Variants in XKR6 observed in about 807,000 individuals in gnomAD.
The protein encoded by XKR6 is XK related 6.
Under a neutral mutation model 56.7 loss-of-function variants are expected in XKR6, and 22 were observed. That is an observed-to-expected ratio of 0.39 (90% CI 0.28 to 0.55). XKR6 has a LOEUF of 0.55. XKR6 is among the 20% of genes least tolerant of loss of function. The pLI is 0.66. For synonymous variants in XKR6, 524 were observed against 387.8 expected (o/e 1.35, Z -4.13); for missense variants, 852 against 889.0 (o/e 0.96, Z 0.53).
At chr8:11,147,051 C>G (rs2116958445) in intron 1 of XKR6, among the ~76,000 whole-genome samples, 1 of 151,680 alleles carries the variant, frequency 6.6e-6, no homozygotes, top group African/African-American at 2.4e-5. Flanking sequence ...TTAAAATTTG[C>G]TAAGAAGGTA....
rs769476186 is a variant in XKR6 at position 10,898,247 on chromosome 8, G to A, written c.1631C>T (p.Thr544Ile). The change falls in exon 3 of 3, where the codon ACC becomes ATC. Residue 544 changes from threonine (T) to isoleucine (I), a missense_variant. Around this residue, in one of 4 missense-constraint regions of XKR6, gnomAD observed 197 missense variants for 190.9 expected, o/e 1.03. Coordinates refer to ENST00000416569, the MANE Select transcript of XKR6 (RefSeq NM_173683.4). The surrounding 1 kb of genome is among the most constrained non-coding windows in gnomAD (Gnocchi z 6.6). ...CTCCTGTTGTTCCGTTACGGCTCTG[G>A]TGGGCGTAACCTGGGTCCCCCGGTA... ...PGYRGTQVTPTRAVTEQQEDL... is the reference protein window; with the variant it reads ...PGYRGTQVTPIRAVTEQQEDL... 1 of 1,614,150 alleles carries A rather than the reference G, an allele frequency of 6.2e-7. No homozygotes were observed. Among genetic ancestry groups the A allele is most frequent in the African/African-American group, 1.3e-5 (1 of 75,046 alleles).
intron 1 of XKR6, among the ~76,000 whole-genome samples, chr8:10,975,747 A>G (rs756755998): frequency 4.6e-5 from 7 of 152,222 alleles, no homozygotes; most frequent in African/African-American, 7.2e-5. Flanking sequence ...AGCTGACCGC[A>G]AGGCCGAGTC....
intron 1 of XKR6, among the ~76,000 whole-genome samples, chr8:11,091,229 G>C (rs922459874): frequency 6.6e-6 from 1 of 152,130 alleles, no homozygotes; most frequent in African/African-American, 2.4e-5. Flanking sequence ...CCAGAAGTTT[G>C]AGACAAGCCT....
At chr8:11,069,226 C>G (rs1482476839) in intron 1 of XKR6, among the ~76,000 whole-genome samples, 3 of 151,230 alleles carry the variant, frequency 2.0e-5, no homozygotes, top group Non-Finnish European at 4.4e-5. Context: ...ACTCTCCAAC[C>G]TGAAAAGATA....
intron 1 of XKR6, among the ~76,000 whole-genome samples, chr8:10,929,211 G>C (rs543565605): frequency 8.5e-5 from 13 of 152,120 alleles, no homozygotes; most frequent in Admixed American, 3.9e-4. Flanking sequence ...CCTCATGTTT[G>C]TGTGACATTC....
Position 11,036,038 on chromosome 8 carries a change from G to A in XKR6, c.765-111208C>T, listed in dbSNP as rs149984268. Among the ~76,000 whole-genome samples the A allele has an allele frequency of 4.3e-3, 652 of 150,842 alleles. 6 individuals carry two copies. The highest frequency in any genetic ancestry group is 0.021 in the Middle Eastern group (6 of 290). ...AACTCACTGCAGCCCTGACCTCCTGGGCTCAAGCAATCCTCCTGCCTCAGC... is the reference window on the plus strand; with the variant it reads ...AACTCACTGCAGCCCTGACCTCCTGAGCTCAAGCAATCCTCCTGCCTCAGC... On this transcript the variant is annotated intron_variant, in intron 1 of 2. Transcript: ENST00000416569.
chr8:11,062,655 AC>A, intron 1 of XKR6: 1 of 425,940 alleles, frequency 2.3e-6, no homozygotes, highest in East Asian at 7.1e-5. Context: ...ACAATAGTAA[AC>A]ATAATTACTC....
chr8:10,918,471 TTGGCCA>T (rs1800624058), intron 2 of XKR6, among the ~76,000 whole-genome samples: 1 of 152,246 alleles, frequency 6.6e-6, no homozygotes, highest in Non-Finnish European at 1.5e-5. Flanking sequence ...CATGCCCAGC[TTGGCCA>T]TGGCACAAGC....
intron 1 of XKR6, among the ~76,000 whole-genome samples, chr8:11,013,315 A>AAGGAG (rs1239953871): frequency 6.6e-6 from 1 of 152,212 alleles, no homozygotes. Flanking sequence ...TTTCTCCTTT[A>AAGGAG]AGGAGAGGAG....
At chr8:11,025,083 C>A (rs1033380600) in intron 1 of XKR6, among the ~76,000 whole-genome samples, 2 of 152,180 alleles carry the variant, frequency 1.3e-5, no homozygotes, top group South Asian at 2.1e-4. Context: ...TTCTACGAGG[C>A]CTTGGAGCCG....
intron 1 of XKR6, among the ~76,000 whole-genome samples, chr8:11,029,069 G>A (rs150450757): frequency 4.3e-4 from 66 of 152,252 alleles, no homozygotes; most frequent in Non-Finnish European, 8.2e-4. Context: ...CACCAGTGAT[G>A]CTGGCTGAGT....
intron 1 of XKR6, among the ~76,000 whole-genome samples, chr8:10,965,582 C>T (rs1224727242): frequency 1.3e-5 from 2 of 152,204 alleles, no homozygotes; most frequent in African/African-American, 2.4e-5. Context: ...GGGACGGGCT[C>T]CCGATTCCCC....
chr8:11,026,321 G>A (rs1798861367), intron 1 of XKR6, among the ~76,000 whole-genome samples: 1 of 151,222 alleles, frequency 6.6e-6, no homozygotes, highest in Non-Finnish European at 1.5e-5. Context: ...CACCTAGATG[G>A]TCTAGCCTAC....
chr8:11,044,209 T>A (rs1346170802), intron 1 of XKR6, among the ~76,000 whole-genome samples: 1 of 152,198 alleles, frequency 6.6e-6, no homozygotes, highest in Non-Finnish European at 1.5e-5. Flanking sequence ...CCTCACCTTT[T>A]AACGTACAGA....
chr8:11,192,965 T>A (rs1419253328), intron 1 of XKR6, among the ~76,000 whole-genome samples: 3 of 152,196 alleles, frequency 2.0e-5, no homozygotes, highest in Admixed American at 2.0e-4. Context: ...CTTCCTCAAA[T>A]CTGCTGCCTT....
Position 11,200,593 on chromosome 8 carries a change from C to T in XKR6, c.747G>A (p.Gln249=). ...GCTCTTACCTCCACACCTGCCCCAT[C>T]TGCAGCAGGTGGATGACCGACTGCC... ...WIWQSVIHLL[Q]MGQVWRYIRT... The change falls in exon 1 of 3, where the codon CAG becomes CAA. Residue 249 remains glutamine, a synonymous_variant. Transcript: ENST00000416569. This position sits in a 1 kb window ranked among gnomAD's most constrained non-coding sequence, Gnocchi z 6.4. 1 of 1,524,386 alleles carries T rather than the reference C, an allele frequency of 6.6e-7. No homozygotes were observed. The highest frequency in any genetic ancestry group is 8.7e-7 in the Non-Finnish European group (1 of 1,149,258). The allele number at this position is 1,524,386 out of a possible 1,614,324, so 94.4% of individuals were successfully genotyped here.
chr8:11,042,908 C>T (rs569170671), intron 1 of XKR6, among the ~76,000 whole-genome samples: 1 of 152,160 alleles, frequency 6.6e-6, no homozygotes, highest in Non-Finnish European at 1.5e-5. Flanking sequence ...TCCCTGCACT[C>T]CTCTTCCTGC....
At chr8:10,928,149 C>T (rs1296113139) in intron 1 of XKR6, among the ~76,000 whole-genome samples, 1 of 152,164 alleles carries the variant, frequency 6.6e-6, no homozygotes, top group Non-Finnish European at 1.5e-5. Flanking sequence ...AGTGGAGGGC[C>T]CAGGTGCCAG....
At chr8:10,943,851 G>T (rs566778497) in intron 1 of XKR6, among the ~76,000 whole-genome samples, 1 of 151,968 alleles carries the variant, frequency 6.6e-6, no homozygotes. Context: ...ACATCCCTAC[G>T]AATGAGATCA....
Sources: allele counts gnomAD v4.1 joint callset (sites outside exome capture counted in the v4.1 genomes callset), GRCh38; gene constraint gnomAD v4.1.1; regional missense constraint gnomAD v4.1.1; non-coding constraint Gnocchi (gnomAD v3.1); transcripts MANE v1.5; gene names NCBI Gene and HGNC (gene_info 2026-07-23, HGNC 2026-07-21).